MTHFD2L: variants seen among roughly 807,000 people sequenced by gnomAD.
MTHFD2L encodes the protein methylenetetrahydrofolate dehydrogenase (NADP+ dependent) 2 like.
Under a neutral mutation model 34.9 loss-of-function variants are expected in MTHFD2L, and 29 were observed. The observed-to-expected ratio is 0.83, with a 90% CI of 0.62 to 1.13. The LOEUF is 1.13. Among genes scored for constraint, MTHFD2L ranks in the 50% most tolerant of loss-of-function variants. The pLI, the probability that MTHFD2L is intolerant of heterozygous loss-of-function variation, is 0.00. For missense variants in MTHFD2L, 481 were observed against 446.5 expected (o/e 1.08, Z -0.70); for synonymous variants, 167 against 155.7 (o/e 1.07, Z -0.54).
intron 6 of MTHFD2L, among the ~76,000 whole-genome samples, chr4:74,225,602 CT>C (rs1288258129): frequency 6.6e-6 from 1 of 152,134 alleles, no homozygotes; most frequent in Non-Finnish European, 1.5e-5. Context: ...ACCCAAACAG[CT>C]TTTGGGATGA....
At chr4:74,267,839 A>G in intron 6 of MTHFD2L, 2 of 985,320 alleles carry the variant, frequency 2.0e-6, no homozygotes, top group Non-Finnish European at 2.4e-6. Context: ...TACTTGAATG[A>G]TCCTATGAAT....
intron 6 of MTHFD2L, among the ~76,000 whole-genome samples, chr4:74,263,243 T>A (rs1744897455): frequency 6.6e-6 from 1 of 151,980 alleles, no homozygotes; most frequent in African/African-American, 2.4e-5. Context: ...CCTGTAAATA[T>A]AATTTGAAGT....
chr4:74,285,704 C>G (rs1398590816), intron 7 of MTHFD2L, among the ~76,000 whole-genome samples: 1 of 152,098 alleles, frequency 6.6e-6, no homozygotes, highest in Non-Finnish European at 1.5e-5. Flanking sequence ...AATATAATTT[C>G]TCCCATTGAC....
Position 74,174,501 on chromosome 4 carries a change from C to A in MTHFD2L, c.144-5C>A. On this transcript the variant is annotated splice_polypyrimidine_tract_variant and splice_region_variant and intron_variant, in intron 1 of 7. Coordinates refer to ENST00000325278, the MANE Select transcript of MTHFD2L (RefSeq NM_001144978.3). The stretch of plus-strand genomic sequence containing the variant: ...TTTTAGTATTTATTGTTTTGCTTTC[C>A]ACAGACATGAAGCCATTATTATATC... The A allele has an allele frequency of 6.8e-7, 1 of 1,462,774 alleles. No individual in the cohort carries two copies. The highest frequency in any genetic ancestry group is 2.6e-5 in the East Asian group (1 of 38,590). 90.6% of individuals were successfully genotyped at this position (1,462,774 alleles called of 1,614,324 possible). A position where few individuals can be genotyped will look rare whatever the true frequency, so the allele number is the denominator to read the frequency against.
intron 6 of MTHFD2L, among the ~76,000 whole-genome samples, chr4:74,255,491 T>A (rs988969076): frequency 1.3e-4 from 20 of 152,308 alleles, no homozygotes; most frequent in East Asian, 1.9e-4. Context: ...AGTTCTTTTT[T>A]AAATAATTTT....
Position 74,301,797 on chromosome 4 carries a change from A to C in MTHFD2L, c.1032A>C (p.Lys344Asn), listed in dbSNP as rs1479988141. The change falls in exon 8 of 8, where the codon AAA becomes AAC. Residue 344 changes from lysine (K) to asparagine (N), a missense_variant. Lys to Asn is a moderately conservative substitution (Grantham distance 94). Transcript: ENST00000325278. Reference sequence around the variant, plus strand: ...AGAACACCCTTCTGGCAGCTAAAAAAATCATTTACTAGATCACATGAAAGG... The same window carrying C: ...AGAACACCCTTCTGGCAGCTAAAAACATCATTTACTAGATCACATGAAAGG... Reference protein sequence around the residue: ...LLKNTLLAAKKIIY With the variant: ...LLKNTLLAAKNIIY The C allele has an allele frequency of 9.4e-6, 15 of 1,603,508 alleles. No homozygotes were observed. The highest frequency in any genetic ancestry group is 1.3e-5 in the Non-Finnish European group (15 of 1,173,456).
At chr4:74,187,490 G>T (rs776216884) in intron 3 of MTHFD2L, among the ~76,000 whole-genome samples, 7 of 152,222 alleles carry the variant, frequency 4.6e-5, no homozygotes, top group Non-Finnish European at 1.0e-4. Context: ...AATACAAATG[G>T]TAAATAAGCA....
intron 1 of MTHFD2L, among the ~76,000 whole-genome samples, chr4:74,164,156 G>A (rs536845577): frequency 5.9e-4 from 90 of 152,314 alleles, no homozygotes; most frequent in African/African-American, 2.1e-3. Flanking sequence ...GATTACAGGC[G>A]TGAGCCACCA....
intron 2 of MTHFD2L, among the ~76,000 whole-genome samples, chr4:74,114,933 T>C (rs910638654): frequency 3.9e-5 from 6 of 152,188 alleles, no homozygotes; most frequent in African/African-American, 4.8e-5. Context: ...ATGAGGTAAC[T>C]GGGACTCAGA....
At chr4:74,205,866 G>T (rs997422057) in intron 5 of MTHFD2L, among the ~76,000 whole-genome samples, 13 of 152,130 alleles carry the variant, frequency 8.5e-5, no homozygotes, top group Admixed American at 7.2e-4. Context: ...ACAAGTATGG[G>T]TAATTTAAAT....
At chr4:74,207,955 T>C (rs1201085699) in intron 5 of MTHFD2L, among the ~76,000 whole-genome samples, 1 of 151,964 alleles carries the variant, frequency 6.6e-6, no homozygotes, top group African/African-American at 2.4e-5. Flanking sequence ...CGCCTAGGAA[T>C]GCAGGAGTCA....
chr4:74,156,085 T>C (rs1386925226), upstream of MTHFD2L, among the ~76,000 whole-genome samples: 1 of 152,148 alleles, frequency 6.6e-6, no homozygotes, highest in East Asian at 1.9e-4. Context: ...ATGTGAATAA[T>C]ATTTTTTAAT....
intron 2 of MTHFD2L, 46 bp from the exon 3 acceptor site, chr4:74,175,235 C>A: frequency 6.3e-7 from 1 of 1,594,052 alleles, no homozygotes; most frequent in Non-Finnish European, 8.6e-7. Context: ...GATGAAAAAC[C>A]ATATTCAGTT....
chr4:74,199,678 A>T, intron 3 of MTHFD2L, 116 bp from the exon 4 acceptor site: 1 of 808,046 alleles, frequency 1.2e-6, no homozygotes, highest in Non-Finnish European at 1.9e-6. Flanking sequence ...TAATGACTTT[A>T]CACCTTTTTT....
chr4:74,266,755 A>G (rs957186929), intron 6 of MTHFD2L: 8 of 630,750 alleles, frequency 1.3e-5, no homozygotes, highest in African/African-American at 2.0e-5. Flanking sequence ...TCTCCTGTCT[A>G]TCACTTTTCT....
upstream of MTHFD2L, chr4:74,157,888 A>T: frequency 1.5e-6 from 1 of 663,750 alleles, no homozygotes; most frequent in Non-Finnish European, 2.8e-6. Context: ...GCCACACTGC[A>T]CGCTTCCACA....
At chr4:74,262,590 G>C (rs1439297547) in intron 6 of MTHFD2L, among the ~76,000 whole-genome samples, 1 of 151,890 alleles carries the variant, frequency 6.6e-6, no homozygotes, top group African/African-American at 2.4e-5. Context: ...TTATAGGAAA[G>C]GATATTTAAA....
At chr4:74,219,950 A>T (rs1462043796) in intron 5 of MTHFD2L, among the ~76,000 whole-genome samples, 1 of 152,100 alleles carries the variant, frequency 6.6e-6, no homozygotes, top group Non-Finnish European at 1.5e-5. Flanking sequence ...ATTTATCCTG[A>T]TATACTTTTC....
intron 6 of MTHFD2L, among the ~76,000 whole-genome samples, chr4:74,238,751 T>G (rs182622760): frequency 1.4e-4 from 21 of 152,332 alleles, no homozygotes; most frequent in Non-Finnish European, 2.6e-4. Flanking sequence ...TCATCGTTAT[T>G]GGTCATCAGA....
Sources: gnomAD v4.1 joint callset for allele counts (sites outside exome capture counted in the v4.1 genomes callset) on GRCh38, gnomAD v4.1.1 for gene constraint, MANE v1.5 for transcripts, NCBI Gene and HGNC (gene_info 2026-07-23, HGNC 2026-07-21) for gene names.